The following RABEP1 variants were observed in gnomAD, a reference collection of about 807,000 sequenced individuals.
RABEP1 encodes the protein rab GTPase-binding effector protein 1.
In RABEP1, 51 loss-of-function variants were observed where a neutral mutation model predicts 123.4. The ratio of observed to expected loss-of-function variants is 0.41; its 90% CI spans 0.33 to 0.52. The LOEUF is 0.52. RABEP1 is among the 20% of genes least tolerant of loss of function. RABEP1 has a pLI of 0.16. For missense variants in RABEP1, 888 were observed against 996.3 expected (o/e 0.89, Z 1.46); for synonymous variants, 347 against 355.2 (o/e 0.98, Z 0.26).
At position 5,386,124 on chromosome 17, in the gene RABEP1, T is replaced by C; in HGVS notation, c.*2901T>C. 3 of 1,030,708 alleles carry C rather than the reference T, an allele frequency of 2.9e-6. No homozygotes were observed. The South Asian group carries it at 4.7e-5, about 16-fold the overall frequency. The allele number at this position is 1,030,708 out of a possible 1,614,324, so 63.8% of individuals were successfully genotyped here. ...GGTCATCAAAACACCTTTTTATAAA[T>C]TAGATAATTCTACCTGTTTTACAAT... On this transcript the variant is annotated 3_prime_UTR_variant, in exon 18 of 18. Coordinates refer to ENST00000537505, the MANE Select transcript of RABEP1 (RefSeq NM_004703.6).
intron 1 of RABEP1, among the ~76,000 whole-genome samples, chr17:5,308,413 A>G (rs1004296461): frequency 2.7e-4 from 41 of 152,180 alleles, no homozygotes; most frequent in African/African-American, 9.4e-4. Context: ...TTTAATAGAG[A>G]TGGGATTTCT....
At chr17:5,357,831 G>C (rs935787679) in intron 8 of RABEP1, among the ~76,000 whole-genome samples, 15 of 152,210 alleles carry the variant, frequency 9.9e-5, no homozygotes, top group African/African-American at 3.6e-4. Flanking sequence ...CAGGAGGCAG[G>C]AGCAGGAGCG....
At chr17:5,287,664 A>G (rs541487980) in intron 1 of RABEP1, among the ~76,000 whole-genome samples, 1 of 150,924 alleles carries the variant, frequency 6.6e-6, no homozygotes, top group Non-Finnish European at 1.5e-5. Context: ...TCATACCTGT[A>G]ATCTCAACAC....
chr17:5,319,200 C>T lies in RABEP1; in HGVS notation c.163+10378C>T, dbSNP rs1196822398. ...AAAAAATTAACCGGGTGTGGTGGTG[C>T]ACACCTGTAATCCCAGCTACTAGGG... On this transcript the variant is annotated intron_variant, in intron 2 of 17. Transcript: ENST00000537505. Among the ~76,000 whole-genome samples the T allele has an allele frequency of 4.6e-5, 7 of 151,200 alleles. No individual in the cohort carries two copies. The South Asian group carries it at 6.3e-4, about 14-fold the overall frequency.
intron 5 of RABEP1, among the ~76,000 whole-genome samples, chr17:5,341,776 G>A (rs59277121): frequency 0.17 from 25,541 of 152,124 alleles, 2,223 homozygotes; most frequent in Middle Eastern, 0.22. Context: ...GAAATTTATC[G>A]GAAAATCTAT....
chr17:5,319,327 CA>C (rs200353804), intron 2 of RABEP1, among the ~76,000 whole-genome samples: 60,265 of 113,808 alleles, frequency 0.53, 15,368 homozygotes, highest in East Asian at 0.9. Context: ...GACTCTGTCT[CA>C]AAAAAAAAAA....
At chr17:5,300,539 A>G (rs2075127195) in intron 1 of RABEP1, among the ~76,000 whole-genome samples, 1 of 152,156 alleles carries the variant, frequency 6.6e-6, no homozygotes, top group Admixed American at 6.5e-5. Context: ...GGACCTTTCT[A>G]TACTGTACTC....
chr17:5,282,572 C>T (rs1444893624), intron 1 of RABEP1, 52 bp downstream of exon 1: 8 of 1,112,754 alleles, frequency 7.2e-6, no homozygotes, highest in African/African-American at 1.7e-5. Flanking sequence ...CCGGCGTCGG[C>T]GTCGCGGGAG....
At chr17:5,319,350 C>A (rs139105672) in intron 2 of RABEP1, among the ~76,000 whole-genome samples, 72 of 137,820 alleles carry the variant, frequency 5.2e-4, no homozygotes, top group Middle Eastern at 3.7e-3. Flanking sequence ...AACAAAAAAA[C>A]AAAAAAAAAA....
At position 5,385,891 on chromosome 17, in the gene RABEP1, C is replaced by T. The variant is rs1446764285; in HGVS notation, c.*2668C>T. ...TTTCTGGTGCTGCTACTTTAAAACA[C>T]AGCTCACAAGAATAACTAACTTGCT... On this transcript the variant is annotated 3_prime_UTR_variant, in exon 18 of 18. Transcript: ENST00000537505. 2 of 289,944 alleles carry T rather than the reference C, an allele frequency of 6.9e-6. No homozygotes were observed. The highest frequency in any genetic ancestry group is 1.2e-5 in the Non-Finnish European group (2 of 164,688). 18.0% of individuals were successfully genotyped at this position (289,944 alleles called of 1,614,324 possible).
chr17:5,356,970 C>G (rs1318005877), intron 8 of RABEP1, among the ~76,000 whole-genome samples: 5 of 152,046 alleles, frequency 3.3e-5, no homozygotes, highest in Non-Finnish European at 5.9e-5. Context: ...CTCTGCCTCC[C>G]AGGTTCAAGC....
chr17:5,380,597 AAAAG>A, intron 16 of RABEP1, 135 bp downstream of exon 16: 1 of 777,520 alleles, frequency 1.3e-6, no homozygotes, highest in Admixed American at 2.0e-5. Flanking sequence ...ACAGCTTGTG[AAAAG>A]AAAAAACTTA....
intron 17 of RABEP1, 125 bp downstream of exon 17, chr17:5,381,630 C>T: frequency 7.0e-7 from 1 of 1,420,768 alleles, no homozygotes; most frequent in Non-Finnish European, 9.3e-7. Flanking sequence ...CTACCTCCAC[C>T]CCAAATGTCT....
chr17:5,332,034 A>G lies in RABEP1; in HGVS notation c.249A>G (p.Ala83=), dbSNP rs368820303. The change falls in exon 3 of 18, where the codon GCA becomes GCG. Residue 83 remains alanine (A), a synonymous_variant. Coordinates refer to ENST00000537505, the MANE Select transcript of RABEP1 (RefSeq NM_004703.6). The part of the protein sequence containing the change: ...HLRTQLWEAQ[A]EMENIKAIAT... ...GAACCCAGCTGTGGGAAGCTCAAGC[A>G]GAGATGGAGAATATTAAGGCGATTG... is the stretch of plus-strand genomic sequence containing the variant. The G allele has an allele frequency of 1.1e-5, 17 of 1,614,024 alleles. No individual in the cohort carries two copies. In the African/African-American group the frequency reaches 1.9e-4, roughly 18 times the overall value.
At chr17:5,331,797 T>C in intron 2 of RABEP1, 152 bp from the exon 3 acceptor site, 1 of 665,896 alleles carries the variant, frequency 1.5e-6, no homozygotes, top group South Asian at 2.0e-5. Flanking sequence ...AACAATTGAT[T>C]TGTGATACCC....
intron 5 of RABEP1, among the ~76,000 whole-genome samples, chr17:5,344,433 C>G (rs1473002721): frequency 6.6e-6 from 1 of 151,120 alleles, no homozygotes; most frequent in Admixed American, 6.6e-5. Context: ...GTGAGACTCT[C>G]TCTCAAAATT....
At chr17:5,335,128 C>T in intron 3 of RABEP1, 56 bp from the exon 4 acceptor site, 4 of 1,431,108 alleles carry the variant, frequency 2.8e-6, no homozygotes, top group South Asian at 1.5e-5. Flanking sequence ...TTTAGTGTGC[C>T]AGGTTATTTT....
intron 3 of RABEP1, among the ~76,000 whole-genome samples, chr17:5,334,215 T>C (rs1486525580): frequency 2.6e-5 from 4 of 151,720 alleles, no homozygotes; most frequent in African/African-American, 9.7e-5. Flanking sequence ...TTTCTTTTTT[T>C]TCCCTTTCCC....
intron 1 of RABEP1, among the ~76,000 whole-genome samples, chr17:5,288,986 G>A (rs376500973): frequency 6.6e-6 from 1 of 152,286 alleles, no homozygotes; most frequent in East Asian, 1.9e-4. Flanking sequence ...GATTATAGGA[G>A]TGAGCCACTG....
Sources: gnomAD v4.1 joint callset for allele counts (sites outside exome capture counted in the v4.1 genomes callset) on GRCh38, gnomAD v4.1.1 for gene constraint, MANE v1.5 for transcripts, NCBI Gene and HGNC (gene_info 2026-07-23, HGNC 2026-07-21) for gene names.